The following CD6 variants were observed in gnomAD, a reference collection of about 807,000 sequenced individuals.
CD6 encodes T-cell differentiation antigen CD6.
Under a neutral mutation model 75.3 loss-of-function variants are expected in CD6, and 53 were observed. The observed-to-expected ratio is 0.70, with a 90% confidence interval of 0.56 to 0.88. The LOEUF (loss-of-function observed/expected upper bound fraction) is 0.88. Among genes scored for constraint, CD6 ranks in the 40% least tolerant of loss-of-function variants. The probability of loss-of-function intolerance (pLI) is 0.00; values close to 1 mark genes in which losing one functional copy is unlikely to be tolerated. For missense variants in CD6, 770 were observed against 897.1 expected, an observed-to-expected ratio of 0.86 and a Z score of 1.81; for synonymous variants, 359 against 381.5, an observed-to-expected ratio of 0.94 and a Z score of 0.69.
chr11:61,013,834 T>C (rs1471565098), intron 7 of CD6, 85 bp from the exon 8 acceptor site: 4 of 913,930 alleles, frequency 4.4e-6, no homozygotes, highest in Admixed American at 2.6e-5. Context: ...AGGAGGGTGG[T>C]GTGTCGATGA....
intron 9 of CD6, 112 bp downstream of exon 9, chr11:61,015,947 G>T: frequency 7.6e-7 from 1 of 1,313,048 alleles, no homozygotes; most frequent in Non-Finnish European, 1.0e-6. Flanking sequence ...GATGCAGACA[G>T]AATCCCCCTG....
Position 61,018,310 on chromosome 11 carries a change from G to T in CD6, c.1859G>T (p.Ser620Ile). 6.2e-7 allele frequency: 1 copy of T among 1,606,656 alleles called. No homozygotes were observed. The highest frequency in any genetic ancestry group is 8.5e-7 in the Non-Finnish European group (1 of 1,176,866). ...AFSAGPPADDSSSTSSGEWYQ... is the reference protein window; with the variant it reads ...AFSAGPPADDISSTSSGEWYQ... ...CCAGCAGGGCCCCCGGCTGATGACA[G>T]CTCCAGCACCTCATCCGGGGAGTGG... The change falls in exon 12 of 13, where the codon AGC becomes ATC. Residue 620 changes from serine to isoleucine, a missense_variant. By Grantham distance (142) the Ser-to-Ile change is moderately radical. Coordinates refer to ENST00000313421, the MANE Select transcript of CD6 (RefSeq NM_006725.5).
intron 6 of CD6, among the ~76,000 whole-genome samples, chr11:61,013,136 G>A (rs753709793): frequency 6.6e-6 from 1 of 152,196 alleles, no homozygotes; most frequent in Non-Finnish European, 1.5e-5. Flanking sequence ...ATTGAACAAA[G>A]ACTACATACT....
intron 1 of CD6, among the ~76,000 whole-genome samples, chr11:60,995,756 C>T (rs1233640754): frequency 1.3e-5 from 2 of 152,100 alleles, no homozygotes; most frequent in Admixed American, 6.6e-5. Context: ...TGTGGGATGA[C>T]ACATGCCACC....
In CD6 at chr11:61,007,217, T is replaced by C. The variant is rs1858903591; in HGVS notation, c.119-343T>C. 6.6e-6 allele frequency among the ~76,000 whole-genome samples: 1 copy of C among 152,108 alleles called. No homozygotes were observed. Among genetic ancestry groups the C allele is most frequent in the African/African-American group, 2.4e-5 (1 of 41,426 alleles). The stretch of plus-strand genomic sequence containing the variant: ...CATGCGCCCACTGGACCAGGGCCCC[T>C]GAACTCACAACTCTGCCTTTCTTTC... On this transcript the variant is annotated intron_variant, in intron 2 of 12. Coordinates refer to ENST00000313421, the MANE Select transcript of CD6 (RefSeq NM_006725.5). This position sits in a 1 kb window ranked among gnomAD's most constrained non-coding sequence, Gnocchi z 4.2.
chr11:60,984,519 G>C (rs1171233641), intron 1 of CD6, among the ~76,000 whole-genome samples: 1 of 152,210 alleles, frequency 6.6e-6, no homozygotes, highest in Non-Finnish European at 1.5e-5. Context: ...TTCATTTGTT[G>C]AGCTACTAGT....
At chr11:60,980,326 G>GA (rs1857514111) in intron 1 of CD6, among the ~76,000 whole-genome samples, 2 of 103,872 alleles carry the variant, frequency 1.9e-5, no homozygotes, top group South Asian at 1.1e-3. Flanking sequence ...AACATAGTGT[G>GA]ACCCCCACGT....
In CD6 at chr11:61,009,687, C is replaced by T. The variant is rs1373674744; in HGVS notation, c.897C>T (p.Ala299=). ...VCDSEWYPSE[A]KVLCQSLGCG... ...ACAGTGAGTGGTACCCATCGGAGGC[C>T]AAGGTGCTCTGCCAGTCCTTGGGCT... The change falls in exon 5 of 13, where the codon GCC becomes GCT. Residue 299 remains alanine, a synonymous_variant. Coordinates refer to ENST00000313421, the MANE Select transcript of CD6 (RefSeq NM_006725.5). The T allele has an allele frequency of 6.2e-7, 1 of 1,613,978 alleles. No individual in the cohort carries two copies. Among genetic ancestry groups the T allele is most frequent in the African/African-American group, 1.3e-5 (1 of 74,936 alleles).
chr11:61,006,496 C>T, intron 1 of CD6, 78 bp from the exon 2 acceptor site: 1 of 1,209,386 alleles, frequency 8.3e-7, no homozygotes, highest in South Asian at 1.3e-5. Flanking sequence ...CAGGAAGTGC[C>T]CCCTGCTCAT....
At chr11:61,015,659 C>T in intron 8 of CD6, 54 bp from the exon 9 acceptor site, 3 of 1,607,898 alleles carry the variant, frequency 1.9e-6, no homozygotes, top group Non-Finnish European at 2.6e-6. Flanking sequence ...CCATCCCTCC[C>T]TACACCTTTC....
chr11:60,975,875 G>A (rs1044595915), intron 1 of CD6, among the ~76,000 whole-genome samples: 6 of 152,132 alleles, frequency 3.9e-5, no homozygotes, highest in Non-Finnish European at 5.9e-5. Flanking sequence ...TATTTATATT[G>A]GATAACACTG....
chr11:61,013,671 G>A (rs1168246231), intron 7 of CD6, 108 bp downstream of exon 7: 2 of 1,253,516 alleles, frequency 1.6e-6, no homozygotes, highest in African/African-American at 3.0e-5. Context: ...CCCTGGCCCT[G>A]GGGAGATCCC....
At chr11:61,010,162 C>T (rs1345552681) in intron 5 of CD6, among the ~76,000 whole-genome samples, 5 of 152,200 alleles carry the variant, frequency 3.3e-5, no homozygotes, top group Non-Finnish European at 7.3e-5. Context: ...ACCAATTTGC[C>T]ATCCCAGGCC....
At chr11:60,975,722 C>T (rs1857337742) in intron 1 of CD6, among the ~76,000 whole-genome samples, 1 of 152,136 alleles carries the variant, frequency 6.6e-6, no homozygotes, top group South Asian at 2.1e-4. Context: ...ATGGTTTGAG[C>T]CCGGGAGTTT....
intron 1 of CD6, among the ~76,000 whole-genome samples, chr11:60,992,691 G>GA: frequency 6.6e-6 from 1 of 151,998 alleles, no homozygotes; most frequent in East Asian, 1.9e-4. Flanking sequence ...AGCCGAGCAT[G>GA]GTGGCGTGCA....
chr11:60,988,908 TTCACTCCCCTCC>T (rs1322935681), intron 1 of CD6, among the ~76,000 whole-genome samples: 1 of 152,148 alleles, frequency 6.6e-6, no homozygotes, highest in Non-Finnish European at 1.5e-5. Flanking sequence ...AGTTTCAGCC[TTCACTCCCCTCC>T]TCACTCCCCT....
intron 12 of CD6, 73 bp from the exon 13 acceptor site, chr11:61,019,181 C>A: frequency 8.7e-7 from 1 of 1,152,208 alleles, no homozygotes; most frequent in South Asian, 1.3e-5. Context: ...GAGCCAGAAC[C>A]ACTCAGCTCC....
chr11:60,972,584 C>G (rs781486672), intron 1 of CD6, among the ~76,000 whole-genome samples: 90 of 152,292 alleles, frequency 5.9e-4, no homozygotes, highest in Non-Finnish European at 9.9e-4. Context: ...TTGCTGGCCC[C>G]TGTTGAGTGC....
Position 60,990,822 on chromosome 11 carries a change from CTTA to C in CD6, c.50-15747_50-15745del, listed in dbSNP as rs1221294840. Among the ~76,000 whole-genome samples, 3 of 59,492 alleles carry C rather than the reference CTTA, an allele frequency of 5.0e-5. No individual in the cohort carries two copies. In the East Asian group the frequency reaches 9.0e-3, roughly 179 times the overall value. 39.0% of individuals were successfully genotyped at this position (59,492 alleles called of 152,430 possible). On this transcript the variant is annotated intron_variant, in intron 1 of 12. Transcript: ENST00000313421. ...CCCTACTGGACATATTGTTCTGAAA[CTTA>C]TTATACTTTTCTCCTTGTTTTCAAA...
Sources: gnomAD v4.1 joint callset for allele counts (sites outside exome capture counted in the v4.1 genomes callset) on GRCh38, gnomAD v4.1.1 for gene constraint, Gnocchi (gnomAD v3.1) non-coding constraint, MANE v1.5 for transcripts, NCBI Gene and HGNC (gene_info 2026-07-23, HGNC 2026-07-21) for gene names.